The following MOCOS variants were observed in gnomAD, a reference collection of about 807,000 sequenced individuals.
The protein encoded by MOCOS is molybdenum cofactor sulfurase.
In MOCOS, 86 loss-of-function variants were observed where a neutral mutation model predicts 83.6. The ratio of observed to expected loss-of-function variants is 1.03; its 90% CI spans 0.86 to 1.23. The LOEUF (loss-of-function observed/expected upper bound fraction) is 1.23. Ranked by LOEUF, MOCOS falls within the 50% of genes most tolerant of loss-of-function variation. The pLI is 0.00. For missense variants in MOCOS, 1,120 were observed against 1,126.9 expected (o/e 0.99, Z 0.09); for synonymous variants, 445 against 434.7 (o/e 1.02, Z -0.29).
chr18:36,239,770 A>G (rs1056402905), intron 9 of MOCOS, among the ~76,000 whole-genome samples: 64 of 149,438 alleles, frequency 4.3e-4, no homozygotes, highest in Non-Finnish European at 6.1e-4. Flanking sequence ...TTTCAGGTAC[A>G]CCAATCAGAC....
chr18:36,257,982 A>G (rs576422928), intron 12 of MOCOS, among the ~76,000 whole-genome samples: 14 of 152,296 alleles, frequency 9.2e-5, no homozygotes, highest in African/African-American at 3.4e-4. Context: ...ATACAACATC[A>G]TTCTCATACT....
chr18:36,244,854 C>A (rs930119280), intron 9 of MOCOS, among the ~76,000 whole-genome samples: 1 of 152,226 alleles, frequency 6.6e-6, no homozygotes, highest in African/African-American at 2.4e-5. Flanking sequence ...TCCTGTTGGA[C>A]TGTTCTTTTT....
At chr18:36,194,272 TTTATG>T (rs1192010583) in intron 1 of MOCOS, among the ~76,000 whole-genome samples, 6 of 152,170 alleles carry the variant, frequency 3.9e-5, no homozygotes, top group South Asian at 2.1e-4. Context: ...GAGAGTGAAT[TTTATG>T]TTATATCTCA....
intron 1 of MOCOS, among the ~76,000 whole-genome samples, chr18:36,193,174 G>A (rs1306902275): frequency 2.0e-5 from 3 of 150,346 alleles, no homozygotes; most frequent in African/African-American, 7.3e-5. Context: ...AGCCGGGCGC[G>A]GTGGCGGGCG....
intron 1 of MOCOS, among the ~76,000 whole-genome samples, chr18:36,190,748 C>CA (rs1187481759): frequency 2.3e-4 from 34 of 150,328 alleles, no homozygotes; most frequent in South Asian, 4.2e-4. Context: ...GACCCTGTCT[C>CA]AAAAAAAACA....
chr18:36,243,147 C>A (rs1020508206), intron 9 of MOCOS, among the ~76,000 whole-genome samples: 1 of 152,120 alleles, frequency 6.6e-6, no homozygotes, highest in African/African-American at 2.4e-5. Context: ...TTACTAACTT[C>A]ATTTATCAGA....
intron 4 of MOCOS, 123 bp downstream of exon 4, chr18:36,200,447 C>T: frequency 8.0e-7 from 1 of 1,253,482 alleles, no homozygotes. Context: ...AGGTTGCTGG[C>T]AGGGACAGGC....
At chr18:36,219,266 C>T (rs2144920724) in intron 8 of MOCOS, among the ~76,000 whole-genome samples, 1 of 152,126 alleles carries the variant, frequency 6.6e-6, no homozygotes, top group South Asian at 2.1e-4. Context: ...CGGCTCACTG[C>T]AACCTCCGCT....
chr18:36,260,136 G>C lies in MOCOS; in HGVS notation c.2370G>C (p.Glu790Asp), dbSNP rs771974107. The change falls in exon 13 of 15, where the codon GAG becomes GAC. Residue 790 changes from glutamate to aspartate, a missense_variant. Physicochemically the swap from Glu to Asp is conservative, Grantham distance 45. Coordinates refer to ENST00000261326, the MANE Select transcript of MOCOS (RefSeq NM_017947.4). ...ATGGAAAAAGGGCTTTTGAAGAAGA[G>C]AAATGGGATGAGATTTCAATTGGCT... ...IINGKRAFEE[E>D]KWDEISIGSL... The C allele has an allele frequency of 8.1e-6, 13 of 1,614,078 alleles. No homozygotes were observed. In the Admixed American group the frequency reaches 1.7e-4, roughly 21 times the overall value.
chr18:36,216,433 C>T (rs1387428529), intron 8 of MOCOS, among the ~76,000 whole-genome samples: 2 of 152,114 alleles, frequency 1.3e-5, no homozygotes, highest in East Asian at 1.9e-4. Flanking sequence ...GAAGGAGCTC[C>T]CGTTGGCCAA....
At chr18:36,261,187 A>G (rs1412972897) in intron 13 of MOCOS, among the ~76,000 whole-genome samples, 4 of 152,112 alleles carry the variant, frequency 2.6e-5, no homozygotes, top group South Asian at 2.1e-4. Context: ...AATTATTTTT[A>G]TAATACAGGC....
At chr18:36,250,219 G>T (rs1042622694) in intron 10 of MOCOS, among the ~76,000 whole-genome samples, 1 of 152,142 alleles carries the variant, frequency 6.6e-6, no homozygotes, top group Non-Finnish European at 1.5e-5. Context: ...CCTTCAGAGT[G>T]CTGATTGCCT....
chr18:36,191,020 C>CAAAAA (rs113481286), intron 1 of MOCOS, among the ~76,000 whole-genome samples: 6,076 of 81,258 alleles, frequency 0.075, 611 homozygotes, highest in Middle Eastern at 0.12. Flanking sequence ...CCCTATCTCT[C>CAAAAA]AAAAAAAAAA....
Position 36,206,656 on chromosome 18 carries a change from A to C in MOCOS, c.1218+1380A>C, listed in dbSNP as rs113968724. Reference sequence around the variant, plus strand: ...CTCCCCCCACCTTCTACCCTCAAGTAGGCCCCGGTGGCCGTGGTTTTCTTC... The same window carrying C: ...CTCCCCCCACCTTCTACCCTCAAGTCGGCCCCGGTGGCCGTGGTTTTCTTC... On this transcript the variant is annotated intron_variant, in intron 6 of 14. Coordinates refer to ENST00000261326, the MANE Select transcript of MOCOS (RefSeq NM_017947.4). 2.4e-3 allele frequency among the ~76,000 whole-genome samples: 362 copies of C among 152,274 alleles called. 1 individual carries two copies. The highest frequency in any genetic ancestry group is 8.4e-3 in the African/African-American group (349 of 41,550).
intron 12 of MOCOS, among the ~76,000 whole-genome samples, chr18:36,259,603 A>G (rs565695630): frequency 2.0e-5 from 3 of 151,458 alleles, no homozygotes; most frequent in East Asian, 1.9e-4. Context: ...AGAAGGGGGA[A>G]AAAAGGGAAT....
At chr18:36,264,929 C>T (rs761380960) in intron 13 of MOCOS, among the ~76,000 whole-genome samples, 15 of 152,138 alleles carry the variant, frequency 9.9e-5, no homozygotes, top group South Asian at 4.2e-4. Flanking sequence ...CCTAATGTGA[C>T]GAATTTATTC....
intron 13 of MOCOS, 61 bp downstream of exon 13, chr18:36,260,236 TC>T: frequency 6.2e-7 from 1 of 1,608,578 alleles, no homozygotes; most frequent in Non-Finnish European, 8.5e-7. Context: ...TTGACCTCAA[TC>T]CCAGACCTGG....
intron 4 of MOCOS, among the ~76,000 whole-genome samples, chr18:36,200,663 G>T (rs1421011948): frequency 6.6e-6 from 1 of 152,228 alleles, no homozygotes; most frequent in Non-Finnish European, 1.5e-5. Context: ...CTGACAAGAG[G>T]TTGCAACAGT....
intron 9 of MOCOS, among the ~76,000 whole-genome samples, chr18:36,224,003 A>T (rs1297232215): frequency 6.6e-6 from 1 of 152,072 alleles, no homozygotes; most frequent in Non-Finnish European, 1.5e-5. Context: ...GGTCTAGATG[A>T]GTTCATTTCT....
Sources: gnomAD v4.1 joint callset for allele counts (sites outside exome capture counted in the v4.1 genomes callset) on GRCh38, gnomAD v4.1.1 for gene constraint, MANE v1.5 for transcripts, NCBI Gene and HGNC (gene_info 2026-07-23, HGNC 2026-07-21) for gene names.